SLC10A7: variants seen among roughly 807,000 people sequenced by gnomAD.
The protein encoded by SLC10A7 is sodium/bile acid cotransporter 7.
SLC10A7 carries 29 observed loss-of-function variants against 43.2 expected under a neutral mutation model. The ratio of observed to expected loss-of-function variants is 0.67; its 90% CI spans 0.50 to 0.92. The LOEUF (loss-of-function observed/expected upper bound fraction) is 0.92, where lower values mean the gene tolerates loss of function less well. Among genes scored for constraint, SLC10A7 ranks in the 40% least tolerant of loss-of-function variants. The pLI, the probability that SLC10A7 is intolerant of heterozygous loss-of-function variation, is 0.00. For synonymous variants in SLC10A7, 152 were observed against 144.8 expected, an observed-to-expected ratio of 1.05 and a Z score of -0.35; for missense variants, 295 against 403.2, an observed-to-expected ratio of 0.73 and a Z score of 2.30.
intron 7 of SLC10A7, among the ~76,000 whole-genome samples, chr4:146,303,462 C>T (rs1448631216): frequency 1.3e-5 from 2 of 151,228 alleles, no homozygotes; most frequent in East Asian, 3.9e-4. Flanking sequence ...ACTGCAACCT[C>T]CGCCTCCCAG....
intron 5 of SLC10A7, among the ~76,000 whole-genome samples, chr4:146,435,009 A>T (rs1012353128): frequency 2.0e-5 from 3 of 151,486 alleles, no homozygotes; most frequent in Non-Finnish European, 2.9e-5. Context: ...GGCAAGAATC[A>T]TTTTTTTTTT....
At chr4:146,302,066 C>T (rs1326140776) in intron 7 of SLC10A7, among the ~76,000 whole-genome samples, 1 of 152,136 alleles carries the variant, frequency 6.6e-6, no homozygotes, top group Non-Finnish European at 1.5e-5. Context: ...CCTAGACATA[C>T]ATAATTAAGT....
At chr4:146,485,605 A>T (rs1734845092) in intron 4 of SLC10A7, among the ~76,000 whole-genome samples, 1 of 152,210 alleles carries the variant, frequency 6.6e-6, no homozygotes, top group South Asian at 2.1e-4. Context: ...CAGACAGTCT[A>T]ACTATGACGG....
chr4:146,340,388 A>G (rs1049040241), intron 5 of SLC10A7, among the ~76,000 whole-genome samples: 4 of 151,908 alleles, frequency 2.6e-5, no homozygotes, highest in Non-Finnish European at 5.9e-5. Flanking sequence ...ATTTCACCTT[A>G]TGACCCAGGC....
intron 7 of SLC10A7, among the ~76,000 whole-genome samples, chr4:146,303,385 T>C (rs1731291789): frequency 1.3e-5 from 2 of 151,420 alleles, no homozygotes; most frequent in South Asian, 4.2e-4. Flanking sequence ...CTTTTTTTTT[T>C]TTTTTTGAGA....
chr4:146,416,606 G>T (rs1728582330), intron 5 of SLC10A7, among the ~76,000 whole-genome samples: 2 of 152,104 alleles, frequency 1.3e-5, no homozygotes, highest in Non-Finnish European at 2.9e-5. Context: ...GTTCTGATAG[G>T]TGCTTTAAAG....
chr4:146,397,146 T>C (rs892746735), intron 5 of SLC10A7, among the ~76,000 whole-genome samples: 8 of 152,166 alleles, frequency 5.3e-5, no homozygotes, highest in African/African-American at 1.9e-4. Flanking sequence ...TTTTTTAAAG[T>C]ATTTATGAAT....
chr4:146,305,927 T>C lies in SLC10A7; in HGVS notation c.554A>G (p.Gln185Arg). The C allele has an allele frequency of 6.2e-7, 1 of 1,604,040 alleles. No individual in the cohort carries two copies. The highest frequency in any genetic ancestry group is 8.5e-7 in the Non-Finnish European group (1 of 1,176,164). Residue 185 changes from glutamine (Q) to arginine (R), a missense_variant and splice_region_variant, in exon 7 of 12, where the codon CAG becomes CGG. Gln to Arg is a conservative substitution (Grantham distance 43, BLOSUM62 1). Coordinates refer to ENST00000335472, the MANE Select transcript of SLC10A7 (RefSeq NM_001029998.6). ...ATCAGATAGAATTGGAGGCCTTACC[T>C]GTCCAATGATGAGAGGAACCACAAC... ...MTVVVPLIIG[Q>R]IVRRYIKDWL...
intron 6 of SLC10A7, among the ~76,000 whole-genome samples, chr4:146,313,466 C>T (rs1428358815): frequency 6.6e-6 from 1 of 152,056 alleles, no homozygotes; most frequent in African/African-American, 2.4e-5. Context: ...TCTTCATTTG[C>T]TTTAGAACAA....
At chr4:146,418,381 C>T (rs1657956468) in intron 5 of SLC10A7, among the ~76,000 whole-genome samples, 1 of 152,098 alleles carries the variant, frequency 6.6e-6, no homozygotes, top group Non-Finnish European at 1.5e-5. Flanking sequence ...AAATCAGGCA[C>T]TAAAACAAGC....
At chr4:146,284,815 G>C (rs923967670) in intron 9 of SLC10A7, among the ~76,000 whole-genome samples, 1 of 152,090 alleles carries the variant, frequency 6.6e-6, no homozygotes, top group Non-Finnish European at 1.5e-5. Context: ...GGCCTAATGG[G>C]GAAGGAGTTC....
chr4:146,397,037 C>T (rs906704613), intron 5 of SLC10A7, among the ~76,000 whole-genome samples: 6 of 152,076 alleles, frequency 3.9e-5, no homozygotes, highest in African/African-American at 1.4e-4. Context: ...CATTTGATTT[C>T]TTTTCTAAAA....
intron 4 of SLC10A7, among the ~76,000 whole-genome samples, chr4:146,492,028 T>C (rs191381051): frequency 8.5e-5 from 13 of 152,100 alleles, no homozygotes; most frequent in Admixed American, 3.3e-4. Context: ...CCATCCTGGC[T>C]AACATGGTGA....
chr4:146,393,444 T>C (rs555410616), intron 5 of SLC10A7, among the ~76,000 whole-genome samples: 2 of 152,248 alleles, frequency 1.3e-5, no homozygotes, highest in Non-Finnish European at 2.9e-5. Context: ...CTACATTATC[T>C]CTTTATACTT....
At chr4:146,442,850 A>C (rs1560911318) in intron 4 of SLC10A7, 29 bp from the exon 5 acceptor site, 1 of 1,431,914 alleles carries the variant, frequency 7.0e-7, no homozygotes, top group South Asian at 1.2e-5. Context: ...GGGGAAAAAA[A>C]CTCATTGAAA....
At chr4:146,497,717 A>T (rs1404614201) in intron 4 of SLC10A7, among the ~76,000 whole-genome samples, 2 of 152,224 alleles carry the variant, frequency 1.3e-5, no homozygotes, top group Non-Finnish European at 2.9e-5. Context: ...GAAATGAAAT[A>T]GTTCTACAAC....
intron 4 of SLC10A7, among the ~76,000 whole-genome samples, chr4:146,477,593 G>A (rs528468427): frequency 6.6e-6 from 1 of 152,222 alleles, no homozygotes; most frequent in East Asian, 1.9e-4. Context: ...AAGCAAACAG[G>A]TAAAGGATAA....
chr4:146,405,822 T>G (rs6858794), intron 5 of SLC10A7, among the ~76,000 whole-genome samples: 32,695 of 152,032 alleles, frequency 0.22, 3,660 homozygotes, highest in African/African-American at 0.27. Context: ...GGAAGAGTTT[T>G]TTTTTTTTGG....
chr4:146,450,634 C>T (rs1333392305), intron 4 of SLC10A7, among the ~76,000 whole-genome samples: 1 of 152,128 alleles, frequency 6.6e-6, no homozygotes, highest in Admixed American at 6.5e-5. Context: ...GAAGGACTGC[C>T]AGCACTGTGT....
Sources: gnomAD v4.1 joint callset for allele counts (sites outside exome capture counted in the v4.1 genomes callset) on GRCh38, gnomAD v4.1.1 for gene constraint, MANE v1.5 for transcripts, NCBI Gene and HGNC (gene_info 2026-07-23, HGNC 2026-07-21) for gene names.